Variants in ERGIC1 observed in about 807,000 individuals in gnomAD.
ERGIC1 encodes endoplasmic reticulum-golgi intermediate compartment 1, also known as endoplasmic reticulum-Golgi intermediate compartment protein 1.
Under a neutral mutation model 38.3 loss-of-function variants are expected in ERGIC1, and 19 were observed. The ratio of observed to expected loss-of-function variants is 0.50; its 90% CI spans 0.35 to 0.73. The LOEUF is 0.73. Ranked by LOEUF, ERGIC1 falls within the 30% of genes least tolerant of loss-of-function variation. ERGIC1 has a pLI of 0.01. For synonymous variants in ERGIC1, 124 were observed against 157.6 expected, an observed-to-expected ratio of 0.79 and a Z score of 1.60; for missense variants, 294 against 389.2, an observed-to-expected ratio of 0.76 and a Z score of 2.06.
intron 2 of ERGIC1, among the ~76,000 whole-genome samples, chr5:172,889,847 A>T (rs952988608): frequency 2.0e-5 from 3 of 152,230 alleles, no homozygotes; most frequent in Non-Finnish European, 4.4e-5. Flanking sequence ...GAAATCCAAA[A>T]TGCTTCAGTG....
intron 9 of ERGIC1, among the ~76,000 whole-genome samples, chr5:172,939,904 C>T (rs575329737): frequency 6.6e-6 from 1 of 152,352 alleles, no homozygotes; most frequent in East Asian, 1.9e-4. Context: ...TGGGAGCCCT[C>T]GGAGGGCGGG....
intron 2 of ERGIC1, among the ~76,000 whole-genome samples, chr5:172,895,346 A>G (rs1440979613): frequency 2.6e-5 from 4 of 152,168 alleles, no homozygotes; most frequent in Non-Finnish European, 5.9e-5. Context: ...TGGAGGCACA[A>G]AGAGGTTAAG....
intron 1 of ERGIC1, among the ~76,000 whole-genome samples, chr5:172,887,407 C>G (rs1290174018): frequency 6.6e-6 from 1 of 152,254 alleles, no homozygotes. Context: ...TGCGAGCTCT[C>G]TGCGTCACAT....
intron 9 of ERGIC1, among the ~76,000 whole-genome samples, chr5:172,949,656 G>A (rs59269996): frequency 1.2e-4 from 4 of 34,286 alleles, no homozygotes; most frequent in Admixed American, 8.5e-4. Flanking sequence ...ACAGCGTGGC[G>A]GGGGGGGGTA....
At chr5:172,867,462 C>CAACT (rs1456401618) in intron 1 of ERGIC1, 1 of 406,686 alleles carries the variant, frequency 2.5e-6, no homozygotes, top group Non-Finnish European at 5.0e-6. Flanking sequence ...GCCGCAAGAA[C>CAACT]AACTGCTGGC....
intron 1 of ERGIC1, among the ~76,000 whole-genome samples, chr5:172,880,268 C>A (rs1386857441): frequency 6.6e-6 from 1 of 152,068 alleles, no homozygotes; most frequent in Non-Finnish European, 1.5e-5. Context: ...AACTCCTGAT[C>A]TCAGGTGATC....
At chr5:172,913,432 A>C (rs1469755566) in intron 4 of ERGIC1, among the ~76,000 whole-genome samples, 1 of 152,234 alleles carries the variant, frequency 6.6e-6, no homozygotes, top group African/African-American at 2.4e-5. Flanking sequence ...TCTAAACTTC[A>C]CATTATACCA....
At chr5:172,861,509 A>G (rs1761698424) in intron 1 of ERGIC1, among the ~76,000 whole-genome samples, 1 of 152,192 alleles carries the variant, frequency 6.6e-6, no homozygotes, top group African/African-American at 2.4e-5. Context: ...GCACTTGTGG[A>G]TGCTGACTAC....
chr5:172,947,631 T>C (rs1021678864), intron 9 of ERGIC1, among the ~76,000 whole-genome samples: 2 of 152,206 alleles, frequency 1.3e-5, no homozygotes, highest in Non-Finnish European at 2.9e-5. Flanking sequence ...TGCCTCAGGG[T>C]TCCCCCTTAG....
chr5:172,909,612 G>A lies in ERGIC1; in HGVS notation c.156-55G>A, dbSNP rs539210044. 6.5e-5 allele frequency: 100 copies of A among 1,532,376 alleles called. No individual in the cohort carries two copies. In the African/African-American group the frequency reaches 1.2e-3, roughly 19 times the overall value. The allele number at this position is 1,532,376 out of a possible 1,614,324, so 94.9% of individuals were successfully genotyped here. ...AAGTGATCCCCGGCTGTCCCCCGCA[G>A]CTGAGATCTTTGCCGCCATCTCAAC... On this transcript the variant is annotated intron_variant, in intron 3 of 9. Transcript: ENST00000393784.
At chr5:172,859,490 A>G (rs58829823) in intron 1 of ERGIC1, among the ~76,000 whole-genome samples, 32,312 of 97,292 alleles carry the variant, frequency 0.33, 3,707 homozygotes, top group East Asian at 0.53. Flanking sequence ...GAAGGGTGGG[A>G]AAAAAAAATG....
intron 1 of ERGIC1, among the ~76,000 whole-genome samples, chr5:172,847,917 G>A (rs1761317570): frequency 6.6e-6 from 1 of 152,254 alleles, no homozygotes; most frequent in South Asian, 2.1e-4. Context: ...AAATGGAAAA[G>A]CAATAGCTCC....
At chr5:172,858,584 G>A (rs2113085091) in intron 1 of ERGIC1, among the ~76,000 whole-genome samples, 1 of 152,322 alleles carries the variant, frequency 6.6e-6, no homozygotes, top group South Asian at 2.1e-4. Flanking sequence ...GGGGCAGAGG[G>A]GCCCTCACTG....
chr5:172,932,551 G>T lies in ERGIC1; in HGVS notation c.642+15G>T. 6.2e-7 allele frequency: 1 copy of T among 1,611,878 alleles called. No homozygotes were observed. On this transcript the variant is annotated intron_variant, in intron 8 of 9. Coordinates refer to ENST00000393784, the MANE Select transcript of ERGIC1 (RefSeq NM_001031711.3). ...TGGCCAACAAGGTGCGCGGGCGGTG[G>T]CTGGGCCGAGCTGTGTGCGGCGGCG... is the stretch of plus-strand genomic sequence containing the variant.
chr5:172,846,213 C>T lies in ERGIC1; in HGVS notation c.20+11780C>T, dbSNP rs1761278896. Among the ~76,000 whole-genome samples the T allele has an allele frequency of 1.3e-5, 2 of 152,156 alleles. No individual in the cohort carries two copies. The highest frequency in any genetic ancestry group is 4.1e-4 in the South Asian group (2 of 4,830). On this transcript the variant is annotated intron_variant, in intron 1 of 9. Transcript: ENST00000393784. The surrounding 1 kb of genome is among the most constrained non-coding windows in gnomAD (Gnocchi z 4.0). ...TCTCCCCCTCCCCCAATCCCCTGCACCCATCATTCCTGTAAAGTGACCCTC... is the reference window on the plus strand; with the variant it reads ...TCTCCCCCTCCCCCAATCCCCTGCATCCATCATTCCTGTAAAGTGACCCTC...
At chr5:172,900,773 G>C (rs1007327505) in intron 3 of ERGIC1, among the ~76,000 whole-genome samples, 2 of 151,908 alleles carry the variant, frequency 1.3e-5, no homozygotes, top group Non-Finnish European at 2.9e-5. Flanking sequence ...GTCCAACCCT[G>C]TGCTAAGTCA....
intron 3 of ERGIC1, chr5:172,905,958 A>G (rs1384488522): frequency 2.4e-6 from 1 of 415,230 alleles, no homozygotes; most frequent in Non-Finnish European, 4.8e-6. Flanking sequence ...AGCTCCCTTT[A>G]CTACCTGATT....
intron 1 of ERGIC1, among the ~76,000 whole-genome samples, chr5:172,843,757 A>G (rs1477105131): frequency 6.6e-6 from 1 of 152,174 alleles, no homozygotes; most frequent in Non-Finnish European, 1.5e-5. Context: ...CATTGCACTC[A>G]TTCGGCAGAA....
Position 172,926,664 on chromosome 5 carries a change from C to T in ERGIC1, c.541+95C>T. 7.2e-7 allele frequency: 1 copy of T among 1,385,240 alleles called. No homozygotes were observed. 85.8% of individuals were successfully genotyped at this position (1,385,240 alleles called of 1,614,324 possible). A position where few individuals can be genotyped will look rare whatever the true frequency, so the allele number is the denominator to read the frequency against. On this transcript the variant is annotated intron_variant, in intron 7 of 9. Coordinates refer to ENST00000393784, the MANE Select transcript of ERGIC1 (RefSeq NM_001031711.3). The surrounding 1 kb of genome is among the most constrained non-coding windows in gnomAD (Gnocchi z 5.2). ...CAGAGAGGTGGGGGTGCCTGTCCAG[C>T]ACCCACTCCAAGGCAGGGAGGCTGC... is the stretch of plus-strand genomic sequence containing the variant.
Sources: allele counts gnomAD v4.1 joint callset (sites outside exome capture counted in the v4.1 genomes callset), GRCh38; gene constraint gnomAD v4.1.1; non-coding constraint Gnocchi (gnomAD v3.1); transcripts MANE v1.5; gene names NCBI Gene and HGNC (gene_info 2026-07-23, HGNC 2026-07-21).